The following NSD3 variants were observed in gnomAD, a reference collection of about 807,000 sequenced individuals.
NSD3 encodes histone-lysine N-methyltransferase NSD3.
A neutral mutation model predicts 160.8 loss-of-function variants in NSD3; 24 were observed. The ratio of observed to expected loss-of-function variants is 0.15; its 90% CI spans 0.11 to 0.21. NSD3 has a LOEUF of 0.21. Among genes scored for constraint, NSD3 ranks in the 10% least tolerant of loss-of-function variants. NSD3 has a pLI of 1.00. For missense variants in NSD3, 1,157 were observed against 1,735.9 expected, an observed-to-expected ratio of 0.67 and a Z score of 5.93; for synonymous variants, 520 against 600.0, an observed-to-expected ratio of 0.87 and a Z score of 1.95.
At chr8:38,280,055 C>G (rs757285221) in intron 20 of NSD3, 12 of 170,642 alleles carry the variant, frequency 7.0e-5, no homozygotes, top group Non-Finnish European at 1.5e-4. Flanking sequence ...TTTTCTGCTC[C>G]AAGCAGGAAG....
In NSD3 at chr8:38,347,567, T is replaced by C. The variant is rs1810566720; in HGVS notation, c.605A>G (p.Lys202Arg). 6 of 1,614,114 alleles carry C rather than the reference T, an allele frequency of 3.7e-6. No homozygotes were observed. Among genetic ancestry groups the C allele is most frequent in the Non-Finnish European group, 4.2e-6 (5 of 1,180,016 alleles). Residue 202 changes from lysine (K) to arginine (R), a missense_variant, in exon 2 of 24, where the codon AAG becomes AGG. By Grantham distance (26) the Lys-to-Arg change is conservative (BLOSUM62 2). Around this residue, in one of 10 missense-constraint regions of NSD3, gnomAD observed 99 missense variants for 151.8 expected, o/e 0.65. Transcript: ENST00000317025. ...SRKEKRKKSN[K>R]HDSSRSEERK... The stretch of plus-strand genomic sequence containing the variant: ...CTCTTCAGATCTTGATGAGTCATGC[T>C]TGTTGCTTTTTTTCCTCTTTTCTTT...
intron 16 of NSD3, among the ~76,000 whole-genome samples, chr8:38,294,121 G>GC: frequency 6.6e-6 from 1 of 151,906 alleles, no homozygotes; most frequent in South Asian, 2.1e-4. Context: ...ACAGGGTCTT[G>GC]CCCTGTTGCC....
chr8:38,342,801 G>A (rs992568435), intron 2 of NSD3, among the ~76,000 whole-genome samples: 3 of 151,810 alleles, frequency 2.0e-5, no homozygotes, highest in Middle Eastern at 3.2e-3. Flanking sequence ...CTTGTGATCC[G>A]CCCGCCTCGG....
intron 4 of NSD3, among the ~76,000 whole-genome samples, chr8:38,332,100 ATTTTTTTGTTGCT>A (rs1319171671): frequency 1.3e-5 from 2 of 151,750 alleles, no homozygotes; most frequent in African/African-American, 4.8e-5. Flanking sequence ...TAATTAATAA[ATTTTTTTGTTGCT>A]TTTTTTTGTA....
intron 7 of NSD3, among the ~76,000 whole-genome samples, chr8:38,323,821 CAAAA>C (rs397891214): frequency 1.4e-5 from 1 of 72,232 alleles, no homozygotes; most frequent in African/African-American, 5.3e-5. Context: ...GACCCTGTCT[CAAAA>C]AAAAAAAAAA....
intron 2 of NSD3, among the ~76,000 whole-genome samples, chr8:38,340,047 A>C (rs1360844222): frequency 6.6e-6 from 1 of 152,176 alleles, no homozygotes; most frequent in East Asian, 1.9e-4. Flanking sequence ...GACATGAGGG[A>C]AATGGTGAAG....
At chr8:38,279,089 C>T (rs1808677941) in intron 21 of NSD3, among the ~76,000 whole-genome samples, 2 of 152,214 alleles carry the variant, frequency 1.3e-5, no homozygotes, top group African/African-American at 4.8e-5. Flanking sequence ...GCTTTTATGT[C>T]TAATTTGAAA....
intron 14 of NSD3, chr8:38,303,120 G>T: frequency 1.9e-6 from 1 of 536,440 alleles, no homozygotes; most frequent in Non-Finnish European, 2.4e-6. Flanking sequence ...AAATGTCAGT[G>T]CCCAGCAATG....
intron 16 of NSD3, among the ~76,000 whole-genome samples, chr8:38,294,082 G>C (rs1328712342): frequency 6.6e-6 from 1 of 151,642 alleles, no homozygotes; most frequent in Non-Finnish European, 1.5e-5. Context: ...TAGTTTAATT[G>C]TGTTTTTTTG....
chr8:38,309,146 TAA>T (rs539988814), intron 12 of NSD3, among the ~76,000 whole-genome samples: 17 of 137,798 alleles, frequency 1.2e-4, no homozygotes, highest in Admixed American at 7.3e-5. Context: ...GTCTCTCTAC[TAA>T]AAAAAAAAAA....
intron 19 of NSD3, among the ~76,000 whole-genome samples, chr8:38,287,488 G>C (rs565715418): frequency 2.0e-5 from 3 of 152,090 alleles, no homozygotes; most frequent in Non-Finnish European, 4.4e-5. Flanking sequence ...CGTTATAAAA[G>C]GCTACCTATC....
intron 1 of NSD3, among the ~76,000 whole-genome samples, chr8:38,372,302 T>C (rs1811265570): frequency 6.6e-6 from 1 of 152,156 alleles, no homozygotes. Context: ...GGCACTTTCT[T>C]ACAGGATTCA....
chr8:38,361,780 G>A lies in NSD3; in HGVS notation c.-44-13565C>T, dbSNP rs200222592. ...AAAAAAAAAAAAAAAAAAAAAAAAA[G>A]ACAGAAAGGGACAAGTGTCCTGGAT... On this transcript the variant is annotated intron_variant, in intron 1 of 23. Coordinates refer to ENST00000317025, the MANE Select transcript of NSD3 (RefSeq NM_023034.2). Among the ~76,000 whole-genome samples, 106 of 131,892 alleles carry A rather than the reference G, an allele frequency of 8.0e-4. 1 individual carries two copies. Among genetic ancestry groups the A allele is most frequent in the Non-Finnish European group, 1.2e-3 (75 of 61,538 alleles). The allele number at this position is 131,892 out of a possible 152,430, so 86.5% of individuals were successfully genotyped here. A position where few individuals can be genotyped will look rare whatever the true frequency, so the allele number is the denominator to read the frequency against.
At chr8:38,355,537 A>G (rs919962372) in intron 1 of NSD3, among the ~76,000 whole-genome samples, 3 of 152,240 alleles carry the variant, frequency 2.0e-5, no homozygotes, top group African/African-American at 7.2e-5. Context: ...CTAAGAATTG[A>G]ATTGTGTTAC....
chr8:38,307,386 A>G (rs1809434872), intron 12 of NSD3, among the ~76,000 whole-genome samples: 1 of 152,118 alleles, frequency 6.6e-6, no homozygotes, highest in Non-Finnish European at 1.5e-5. Context: ...AGTTGGAAGC[A>G]GCTACCTTAG....
chr8:38,338,536 T>C lies in NSD3; in HGVS notation c.747A>G (p.Pro249=), dbSNP rs566883565. ...REEPVLKEEA[P]VQPILSSVPT... ...GACAGTATTCAGTAAAACAACTTAC[T>C]GGGGCTTCCTCTTTTAGTACTGGTT... The change falls in exon 3 of 24, where the codon CCA becomes CCG. Residue 249 remains proline, a splice_region_variant and synonymous_variant. Coordinates refer to ENST00000317025, the MANE Select transcript of NSD3 (RefSeq NM_023034.2). 1.2e-5 allele frequency: 20 copies of C among 1,613,330 alleles called. No individual in the cohort carries two copies. The South Asian group carries it at 1.6e-4, about 13-fold the overall frequency.
intron 14 of NSD3, among the ~76,000 whole-genome samples, chr8:38,304,173 G>A (rs1170424483): frequency 2.6e-5 from 4 of 152,190 alleles, no homozygotes; most frequent in Non-Finnish European, 5.9e-5. Flanking sequence ...AAAAATGGAT[G>A]TGCTAGTTTT....
intron 12 of NSD3, among the ~76,000 whole-genome samples, chr8:38,306,930 A>T (rs1434416376): frequency 2.0e-5 from 3 of 151,660 alleles, no homozygotes; most frequent in South Asian, 2.1e-4. Context: ...CTGGTTAACA[A>T]GGTGAAACCC....
intron 21 of NSD3, among the ~76,000 whole-genome samples, chr8:38,279,029 T>C (rs1313326492): frequency 6.6e-6 from 1 of 152,220 alleles, no homozygotes; most frequent in Non-Finnish European, 1.5e-5. Context: ...AGTTTTATTG[T>C]TCAGATGCTG....
Sources: allele counts gnomAD v4.1 joint callset (sites outside exome capture counted in the v4.1 genomes callset), GRCh38; gene constraint gnomAD v4.1.1; regional missense constraint gnomAD v4.1.1; transcripts MANE v1.5; gene names NCBI Gene and HGNC (gene_info 2026-07-23, HGNC 2026-07-21).